DENND1A: variants seen among roughly 807,000 people sequenced by gnomAD.
The protein encoded by DENND1A is DENN domain-containing protein 1A.
DENND1A carries 51 observed loss-of-function variants against 113.7 expected under a neutral mutation model. The ratio of observed to expected loss-of-function variants is 0.45; its 90% CI spans 0.36 to 0.57. The LOEUF is 0.57. Among genes scored for constraint, DENND1A ranks in the 20% least tolerant of loss-of-function variants. The probability of loss-of-function intolerance (pLI) is 0.00; values close to 1 mark genes in which losing one functional copy is unlikely to be tolerated. For missense variants in DENND1A, 1,258 were observed against 1,395.9 expected (o/e 0.90, Z 1.57); for synonymous variants, 565 against 570.8 (o/e 0.99, Z 0.14).
intron 10 of DENND1A, 33 bp from the exon 11 acceptor site, chr9:123,609,514 T>C (rs1387285758): frequency 6.2e-7 from 1 of 1,605,868 alleles, no homozygotes; most frequent in Non-Finnish European, 8.5e-7. Context: ...ACAGCTGCTT[T>C]AATGTCTGTT....
chr9:123,873,604 A>C (rs567672720), intron 2 of DENND1A, among the ~76,000 whole-genome samples: 1 of 152,350 alleles, frequency 6.6e-6, no homozygotes, highest in South Asian at 2.1e-4. Flanking sequence ...GTAGTAAATA[A>C]GTTTTATTTA....
Position 123,786,549 on chromosome 9 carries a change from G to A in DENND1A, c.132+6038C>T, listed in dbSNP as rs536680894. ...TTCTCTCCTCCTCTTTACCTGCTAC[G>A]TTGTCTGGCTCAAAGTCTGCAGATA... On this transcript the variant is annotated intron_variant, in intron 3 of 23. Transcript: ENST00000394215. Among the ~76,000 whole-genome samples the A allele has an allele frequency of 4.9e-4, 75 of 152,130 alleles. 1 individual carries two copies. Among genetic ancestry groups the A allele is most frequent in the Non-Finnish European group, 4.9e-4 (33 of 68,024 alleles).
chr9:123,610,730 T>C (rs892207928), intron 10 of DENND1A, among the ~76,000 whole-genome samples: 2 of 151,750 alleles, frequency 1.3e-5, no homozygotes, highest in Non-Finnish European at 2.9e-5. Context: ...GCTGGTAGAG[T>C]AGAGGTGGAT....
intron 1 of DENND1A, among the ~76,000 whole-genome samples, chr9:123,910,034 T>A (rs1853677760): frequency 6.6e-6 from 1 of 152,110 alleles, no homozygotes. Context: ...AAATTGAAGA[T>A]ATGTAAGGAG....
intron 21 of DENND1A, chr9:123,401,846 C>G (rs756296821): frequency 2.5e-6 from 4 of 1,614,104 alleles, no homozygotes; most frequent in South Asian, 1.1e-5. Context: ...TCGTCGGGAA[C>G]TTGGCCGCAA....
chr9:123,601,441 T>C (rs993158950), intron 11 of DENND1A, among the ~76,000 whole-genome samples: 2 of 152,210 alleles, frequency 1.3e-5, no homozygotes, highest in African/African-American at 2.4e-5. Context: ...ATCCACTCAA[T>C]CCAGGGCCTT....
chr9:123,414,721 C>A, intron 19 of DENND1A: 2 of 1,219,164 alleles, frequency 1.6e-6, no homozygotes, highest in Admixed American at 4.5e-5. Flanking sequence ...TTCCCTATAC[C>A]ACCCATGAAT....
At chr9:123,896,526 C>T (rs1850788270) in intron 1 of DENND1A, among the ~76,000 whole-genome samples, 1 of 151,998 alleles carries the variant, frequency 6.6e-6, no homozygotes, top group Admixed American at 6.6e-5. Flanking sequence ...GGAAACAAGG[C>T]CCATAAATAA....
chr9:123,395,747 C>G (rs7858474), intron 21 of DENND1A, among the ~76,000 whole-genome samples: 19,940 of 152,118 alleles, frequency 0.13, 1,426 homozygotes, highest in African/African-American at 0.18. Flanking sequence ...CAGCTTCATA[C>G]GCACGTCCTA....
At position 123,902,219 on chromosome 9, in the gene DENND1A, G is replaced by A. The variant is rs974802635; in HGVS notation, c.18-23198C>T. ...CACACACACACACATACACACACAC[G>A]TAGAGACAGAGAGAGACTAATAAAC... On this transcript the variant is annotated intron_variant, in intron 1 of 23. Transcript: ENST00000394215. 1.7e-4 allele frequency among the ~76,000 whole-genome samples: 23 copies of A among 133,958 alleles called. No homozygotes were observed. In the East Asian group the frequency reaches 2.6e-3, roughly 15 times the overall value. 87.9% of individuals were successfully genotyped at this position (133,958 alleles called of 152,430 possible). A position where few individuals can be genotyped will look rare whatever the true frequency, so the allele number is the denominator to read the frequency against.
At chr9:123,463,298 C>A (rs1319034260) in intron 13 of DENND1A, among the ~76,000 whole-genome samples, 2 of 152,210 alleles carry the variant, frequency 1.3e-5, no homozygotes, top group Non-Finnish European at 2.9e-5. Context: ...ATCTTCTTGA[C>A]ATATGGAATC....
intron 15 of DENND1A, among the ~76,000 whole-genome samples, 178 bp from the exon 16 acceptor site, chr9:123,454,957 G>A (rs1287542050): frequency 6.6e-6 from 1 of 151,594 alleles, no homozygotes; most frequent in Non-Finnish European, 1.5e-5. Flanking sequence ...CAGTCTCCCG[G>A]ATTACAGGTG....
At chr9:123,602,872 G>A (rs567406175) in intron 11 of DENND1A, among the ~76,000 whole-genome samples, 2 of 152,276 alleles carry the variant, frequency 1.3e-5, no homozygotes, top group South Asian at 2.1e-4. Flanking sequence ...TTTACGTAGA[G>A]ATGAGGTCTC....
At chr9:123,523,964 G>C (rs1388406889) in intron 13 of DENND1A, among the ~76,000 whole-genome samples, 2 of 152,220 alleles carry the variant, frequency 1.3e-5, no homozygotes, top group African/African-American at 4.8e-5. Context: ...GGAAACAAGA[G>C]AGCAGGCCCT....
intron 1 of DENND1A, among the ~76,000 whole-genome samples, chr9:123,890,184 T>A (rs559226670): frequency 6.6e-6 from 1 of 152,258 alleles, no homozygotes; most frequent in South Asian, 2.1e-4. Context: ...GTGGTAGAAC[T>A]CCAACTGAAC....
chr9:123,547,120 T>C (rs2056752047), intron 13 of DENND1A, among the ~76,000 whole-genome samples: 1 of 152,258 alleles, frequency 6.6e-6, no homozygotes, highest in Non-Finnish European at 1.5e-5. Flanking sequence ...AGTGTCCCTG[T>C]GACGTGGGCA....
chr9:123,737,240 A>T (rs2068632591), intron 5 of DENND1A, among the ~76,000 whole-genome samples: 1 of 152,078 alleles, frequency 6.6e-6, no homozygotes, highest in Non-Finnish European at 1.5e-5. Context: ...TGTCGCCCAC[A>T]CTGGAGTGCA....
At chr9:123,734,221 T>C (rs2068395056) in intron 5 of DENND1A, among the ~76,000 whole-genome samples, 1 of 152,170 alleles carries the variant, frequency 6.6e-6, no homozygotes, top group Admixed American at 6.5e-5. Flanking sequence ...ATACAGGATG[T>C]TACATTCACC....
chr9:123,750,918 A>C (rs1386353910), intron 5 of DENND1A, among the ~76,000 whole-genome samples: 2 of 152,178 alleles, frequency 1.3e-5, no homozygotes, highest in African/African-American at 4.8e-5. Flanking sequence ...TGTTTCTGGA[A>C]TATTTCAGCA....
Sources: allele counts gnomAD v4.1 joint callset (sites outside exome capture counted in the v4.1 genomes callset), GRCh38; gene constraint gnomAD v4.1.1; transcripts MANE v1.5; gene names NCBI Gene and HGNC (gene_info 2026-07-23, HGNC 2026-07-21).